Variants in HERC4 observed in about 807,000 individuals in gnomAD.
HERC4 encodes the protein probable E3 ubiquitin-protein ligase HERC4.
Under a neutral mutation model 124.3 loss-of-function variants are expected in HERC4, and 28 were observed. The observed-to-expected ratio is 0.23, with a 90% CI of 0.17 to 0.31. HERC4 has a LOEUF of 0.31. HERC4 is among the 10% of genes least tolerant of loss of function. The pLI, the probability that HERC4 is intolerant of heterozygous loss-of-function variation, is 1.00. For synonymous variants in HERC4, 407 were observed against 421.5 expected (o/e 0.97, Z 0.42); for missense variants, 713 against 1,229.3 (o/e 0.58, Z 6.28).
chr10:68,002,882 G>A (rs2037313472), intron 9 of HERC4, among the ~76,000 whole-genome samples: 1 of 151,988 alleles, frequency 6.6e-6, no homozygotes, highest in Admixed American at 6.6e-5. Flanking sequence ...TTACAAGCCT[G>A]AGCCACCGTG....
chr10:68,063,626 T>C (rs1022910211), intron 3 of HERC4, among the ~76,000 whole-genome samples: 1 of 152,214 alleles, frequency 6.6e-6, no homozygotes, highest in Admixed American at 6.5e-5. Context: ...ATTAAAGATG[T>C]TCTTTTTCCT....
At chr10:68,005,956 T>G (rs1034244031) in intron 9 of HERC4, among the ~76,000 whole-genome samples, 4 of 152,188 alleles carry the variant, frequency 2.6e-5, no homozygotes, top group African/African-American at 9.6e-5. Flanking sequence ...TGCCTCCTGT[T>G]TTCTGATCTG....
At chr10:68,043,922 T>C (rs1406134479) in intron 4 of HERC4, among the ~76,000 whole-genome samples, 1 of 152,198 alleles carries the variant, frequency 6.6e-6, no homozygotes, top group Non-Finnish European at 1.5e-5. Context: ...TATGATGAAT[T>C]AATTAAATTG....
intron 23 of HERC4, among the ~76,000 whole-genome samples, chr10:67,927,414 ATATATATATATATATATTTT>A (rs1224239215): frequency 1.4e-3 from 12 of 8,680 alleles, no homozygotes; most frequent in African/African-American, 5.3e-3. Flanking sequence ...ATATATATAT[ATATATATATATATATATTTT>A]TTTTTTTTTT....
intron 3 of HERC4, among the ~76,000 whole-genome samples, chr10:68,054,189 A>G (rs144970931): frequency 0.014 from 2,065 of 152,314 alleles, 20 homozygotes; most frequent in Non-Finnish European, 0.019. Flanking sequence ...ACCATACTAT[A>G]AAATAAAAAA....
chr10:67,966,429 T>A (rs41274100), intron 16 of HERC4: 8 of 312,922 alleles, frequency 2.6e-5, no homozygotes, highest in African/African-American at 1.8e-4. Context: ...CACTTGTAGG[T>A]TTTTTTTGTC....
At chr10:67,940,578 C>A (rs1035424653) in intron 20 of HERC4, among the ~76,000 whole-genome samples, 1 of 151,998 alleles carries the variant, frequency 6.6e-6, no homozygotes, top group Non-Finnish European at 1.5e-5. Flanking sequence ...GGCCACCACG[C>A]CTGGCTAATT....
chr10:67,967,073 C>G (rs2034923005), intron 15 of HERC4, among the ~76,000 whole-genome samples: 1 of 152,212 alleles, frequency 6.6e-6, no homozygotes, highest in Non-Finnish European at 1.5e-5. Flanking sequence ...CCAGGATGGT[C>G]TCGATCTCCT....
intron 3 of HERC4, among the ~76,000 whole-genome samples, chr10:68,051,511 G>GTT (rs202092218): frequency 6.7e-6 from 1 of 148,180 alleles, no homozygotes; most frequent in African/African-American, 2.5e-5. Context: ...TGCCCAGCTA[G>GTT]TTTTTTTTTG....
Position 67,941,081 on chromosome 10 carries a change from G to A in HERC4, c.2362C>T (p.His788Tyr). The A allele has an allele frequency of 6.3e-7, 1 of 1,582,754 alleles. No individual in the cohort carries two copies. The highest frequency in any genetic ancestry group is 8.6e-7 in the Non-Finnish European group (1 of 1,168,370). ...AAGCCACAGATAACACCAATCAAAT[G>A]GAACAAATCACTGTCTTCAAATGTC... ...DKTFEDSDLF[H>Y]LIGVICGLAI... Residue 788 changes from histidine to tyrosine, a missense_variant, in exon 20 of 25, where the codon CAT becomes TAT. Physicochemically the swap from His to Tyr is moderately conservative, Grantham distance 83 (BLOSUM62 2). Transcript: ENST00000373700.
At chr10:68,037,908 GTGTT>G (rs1252957345) in intron 5 of HERC4, among the ~76,000 whole-genome samples, 181 bp downstream of exon 5, 2 of 152,136 alleles carry the variant, frequency 1.3e-5, no homozygotes, top group Non-Finnish European at 1.5e-5. Flanking sequence ...GTGTGTGTGT[GTGTT>G]TGTGTGTGTA....
chr10:67,958,588 A>AT (rs1421079529), intron 16 of HERC4, among the ~76,000 whole-genome samples: 8 of 152,210 alleles, frequency 5.3e-5, no homozygotes, highest in Admixed American at 5.2e-4. Flanking sequence ...CCAAGTGTTA[A>AT]AAGGGTAGTC....
intron 8 of HERC4, among the ~76,000 whole-genome samples, chr10:68,015,755 T>C (rs1368563023): frequency 1.3e-5 from 2 of 152,192 alleles, no homozygotes; most frequent in African/African-American, 2.4e-5. Context: ...AATAAAGCAC[T>C]GGTTCTTAAC....
At chr10:67,949,756 G>A (rs1056213689) in intron 19 of HERC4, among the ~76,000 whole-genome samples, 1 of 152,188 alleles carries the variant, frequency 6.6e-6, no homozygotes, top group African/African-American at 2.4e-5. Flanking sequence ...GCTGGGCGCG[G>A]TGGCTCACGC....
At chr10:68,050,597 G>A (rs2040246567) in intron 3 of HERC4, among the ~76,000 whole-genome samples, 1 of 152,132 alleles carries the variant, frequency 6.6e-6, no homozygotes, top group African/African-American at 2.4e-5. Flanking sequence ...CACACAACTT[G>A]AGAATAATAT....
At chr10:68,068,239 C>T (rs1409010243) in intron 3 of HERC4, 2 of 151,998 alleles carry the variant, frequency 1.3e-5, no homozygotes, top group Admixed American at 6.6e-5. Context: ...AATCCCAGCA[C>T]TTTGGGAGAC....
At chr10:68,062,098 A>G (rs980178051) in intron 3 of HERC4, among the ~76,000 whole-genome samples, 1 of 152,092 alleles carries the variant, frequency 6.6e-6, no homozygotes, top group African/African-American at 2.4e-5. Context: ...TTGGAATGTC[A>G]GCCTATCTGA....
At chr10:68,059,944 A>G (rs1408357481) in intron 3 of HERC4, among the ~76,000 whole-genome samples, 1 of 127,666 alleles carries the variant, frequency 7.8e-6, no homozygotes, top group Non-Finnish European at 1.6e-5. Context: ...TTATAATAAT[A>G]TTATATTATA....
chr10:67,951,926 A>G (rs908948728), intron 19 of HERC4, among the ~76,000 whole-genome samples: 4 of 152,180 alleles, frequency 2.6e-5, no homozygotes, highest in Non-Finnish European at 5.9e-5. Context: ...ACAAAAAAAA[A>G]TGCATACAAC....
Sources: gnomAD v4.1 joint callset for allele counts (sites outside exome capture counted in the v4.1 genomes callset) on GRCh38, gnomAD v4.1.1 for gene constraint, MANE v1.5 for transcripts, NCBI Gene and HGNC (gene_info 2026-07-23, HGNC 2026-07-21) for gene names.